The following CHRM3 variants were observed in gnomAD, a reference collection of about 807,000 sequenced individuals.
The protein encoded by CHRM3 is cholinergic receptor muscarinic 3.
Under a neutral mutation model 41.8 loss-of-function variants are expected in CHRM3, and 11 were observed. The observed-to-expected ratio is 0.26, with a 90% CI of 0.17 to 0.44. The LOEUF (loss-of-function observed/expected upper bound fraction) is 0.44, where lower values mean the gene tolerates loss of function less well. CHRM3 is among the 20% of genes least tolerant of loss of function. The probability of loss-of-function intolerance (pLI) is 1.00; values close to 1 mark genes in which losing one functional copy is unlikely to be tolerated. For missense variants in CHRM3, 571 were observed against 745.4 expected (o/e 0.77, Z 2.72); for synonymous variants, 297 against 301.4 (o/e 0.99, Z 0.15).
At chr1:239,388,207 G>C (rs1275158029) in intron 1 of CHRM3, among the ~76,000 whole-genome samples, 3 of 152,170 alleles carry the variant, frequency 2.0e-5, no homozygotes, top group Non-Finnish European at 4.4e-5. Flanking sequence ...CCTGTCCAAA[G>C]GCTGCAAGGA....
chr1:239,408,502 CAACA>C (rs1224718767), intron 1 of CHRM3, among the ~76,000 whole-genome samples: 3 of 120,220 alleles, frequency 2.5e-5, no homozygotes, highest in Admixed American at 2.2e-4. Context: ...CCAGCCTGGG[CAACA>C]GAGAGAGACT....
At chr1:239,556,158 A>T (rs1481194697) in intron 3 of CHRM3, among the ~76,000 whole-genome samples, 1 of 152,168 alleles carries the variant, frequency 6.6e-6, no homozygotes, top group Non-Finnish European at 1.5e-5. Context: ...TCCATGAAGC[A>T]CAGATTCATG....
rs75534095 is a variant in CHRM3, at chr1:239,549,812, G to A, written c.-313+4063G>A. Among the ~76,000 whole-genome samples, 42 of 152,050 alleles carry A rather than the reference G, an allele frequency of 2.8e-4. No homozygotes were observed. The East Asian group carries it at 7.9e-3, about 29-fold the overall frequency. On this transcript the variant is annotated intron_variant, in intron 3 of 6. Transcript: ENST00000676153. ...GGGCCAGATCATGGATCAGACATGG[G>A]ATATTCAGACCTGAAGTCTAATGTA... is the stretch of plus-strand genomic sequence containing the variant.
intron 3 of CHRM3, among the ~76,000 whole-genome samples, chr1:239,620,688 C>T (rs767428340): frequency 5.9e-5 from 9 of 151,870 alleles, no homozygotes; most frequent in Non-Finnish European, 1.0e-4. Context: ...ATTATATACA[C>T]ACACAAAAGG....
chr1:239,904,326 C>A (rs1462840865), intron 6 of CHRM3, among the ~76,000 whole-genome samples: 1 of 152,120 alleles, frequency 6.6e-6, no homozygotes, highest in African/African-American at 2.4e-5. Context: ...CACTTATCGG[C>A]GTATGGGGCC....
At chr1:239,728,839 A>T (rs1231100442) in intron 5 of CHRM3, among the ~76,000 whole-genome samples, 1 of 151,948 alleles carries the variant, frequency 6.6e-6, no homozygotes, top group African/African-American at 2.4e-5. Context: ...ATTACTATAG[A>T]TTAAGCCAAT....
chr1:239,662,893 C>CTTCTTCTTCT lies in CHRM3; in HGVS notation c.-249-15292_-249-15291insTCTTCTTCTT, dbSNP rs1553356875. On this transcript the variant is annotated intron_variant, in intron 4 of 6. Transcript: ENST00000676153. ...TCTCCTCTTTCTCCTCTTCCTCCTC[C>CTTCTTCTTCT]TCTTCTTCTTCTTCTTCTTCTTCTT... 4.6e-3 allele frequency among the ~76,000 whole-genome samples: 213 copies of CTTCTTCTTCT among 46,394 alleles called. 4 individuals are homozygous for CTTCTTCTTCT. The highest frequency in any genetic ancestry group is 0.016 in the African/African-American group (207 of 12,718). The allele number at this position is 46,394 out of a possible 152,430, so 30.4% of individuals were successfully genotyped here.
In CHRM3 at chr1:239,506,526, A is replaced by T. The variant is rs143471142; in HGVS notation, c.-422+13719A>T. ...CTTCTGCCTAGGGTTCAGAGAATGTATGGAAATGCCTGGATGCCCAGGCAG... is the reference window on the plus strand; with the variant it reads ...CTTCTGCCTAGGGTTCAGAGAATGTTTGGAAATGCCTGGATGCCCAGGCAG... On this transcript the variant is annotated intron_variant, in intron 2 of 6. Coordinates refer to ENST00000676153, the MANE Select transcript of CHRM3 (RefSeq NM_001375978.1). 5.1e-3 allele frequency among the ~76,000 whole-genome samples: 770 copies of T among 152,316 alleles called. 1 individual carries two copies. Among genetic ancestry groups the T allele is most frequent in the Non-Finnish European group, 9.0e-3 (609 of 68,026 alleles).
At chr1:239,567,540 G>A (rs1331697112) in intron 3 of CHRM3, among the ~76,000 whole-genome samples, 1 of 152,084 alleles carries the variant, frequency 6.6e-6, no homozygotes, top group Non-Finnish European at 1.5e-5. Context: ...CTGGTTTTAG[G>A]TAACAACTTA....
At chr1:239,401,627 A>C (rs1481143117) in intron 1 of CHRM3, among the ~76,000 whole-genome samples, 2 of 151,862 alleles carry the variant, frequency 1.3e-5, no homozygotes, top group African/African-American at 4.8e-5. Context: ...AGTAGCCCGG[A>C]CTACAGGCAC....
At chr1:239,600,071 A>G (rs188748404) in intron 3 of CHRM3, among the ~76,000 whole-genome samples, 1 of 152,216 alleles carries the variant, frequency 6.6e-6, no homozygotes, top group Non-Finnish European at 1.5e-5. Context: ...CCCATCACCA[A>G]AACCAAAAAT....
chr1:239,656,502 G>A (rs2148991869), intron 4 of CHRM3, among the ~76,000 whole-genome samples: 1 of 151,870 alleles, frequency 6.6e-6, no homozygotes, highest in Middle Eastern at 3.4e-3. Context: ...AGTAGCTGGT[G>A]TGGTGATATG....
chr1:239,662,826 TTCC>T (rs1213080259), intron 4 of CHRM3, among the ~76,000 whole-genome samples: 5 of 150,448 alleles, frequency 3.3e-5, no homozygotes, highest in African/African-American at 1.2e-4. Flanking sequence ...CCACTTCCTC[TTCC>T]TCCTCCTCTT....
chr1:239,830,582 T>C (rs1672817331), intron 6 of CHRM3, among the ~76,000 whole-genome samples: 1 of 152,168 alleles, frequency 6.6e-6, no homozygotes, highest in African/African-American at 2.4e-5. Flanking sequence ...CGCGTGCCTG[T>C]AGTCCCAGCT....
intron 3 of CHRM3, chr1:239,629,073 G>C (rs1442095158): frequency 9.5e-6 from 1 of 104,932 alleles, no homozygotes; most frequent in African/African-American, 3.9e-5. Flanking sequence ...AAGCAAGCCT[G>C]GGCAATGGCG....
At chr1:239,777,553 T>G (rs1018488191) in intron 5 of CHRM3, among the ~76,000 whole-genome samples, 34 of 152,294 alleles carry the variant, frequency 2.2e-4, no homozygotes, top group Admixed American at 2.6e-4. Flanking sequence ...TAAATAAACA[T>G]TAAGTCTCAC....
chr1:239,832,367 C>T (rs906664687), intron 6 of CHRM3, among the ~76,000 whole-genome samples: 16 of 152,156 alleles, frequency 1.1e-4, no homozygotes, highest in Non-Finnish European at 1.6e-4. Context: ...AATTGTTCAA[C>T]TTTGAATGAC....
rs1261682798 is a variant in CHRM3 at position 239,387,100 on chromosome 1, ATCTTAAGGACAG to A, written c.-645_-634del. On this transcript the variant is annotated 5_prime_UTR_variant, in exon 1 of 7. Coordinates refer to ENST00000676153, the MANE Select transcript of CHRM3 (RefSeq NM_001375978.1). The surrounding 1 kb of genome is among the most constrained non-coding windows in gnomAD (Gnocchi z 5.1). ...GGGCGGCTCCGGGCAGGGGGGCACG[ATCTTAAGGACAG>A]TCGCTCCCTGAACGCGGAGCCGGAG... is the stretch of plus-strand genomic sequence containing the variant. 2.0e-5 allele frequency: 3 copies of A among 152,114 alleles called. No individual in the cohort carries two copies. Among genetic ancestry groups the A allele is most frequent in the Non-Finnish European group, 4.4e-5 (3 of 68,086 alleles). The allele number at this position is 152,114 out of a possible 1,614,324, so 9.4% of individuals were successfully genotyped here.
intron 3 of CHRM3, among the ~76,000 whole-genome samples, chr1:239,554,729 C>A (rs1402704457): frequency 1.6e-5 from 2 of 122,984 alleles, no homozygotes; most frequent in Admixed American, 1.7e-4. Flanking sequence ...GTATTTCTTT[C>A]TTTTTTTTTT....
Sources: allele counts gnomAD v4.1 joint callset (sites outside exome capture counted in the v4.1 genomes callset), GRCh38; gene constraint gnomAD v4.1.1; non-coding constraint Gnocchi (gnomAD v3.1); transcripts MANE v1.5; gene names NCBI Gene and HGNC (gene_info 2026-07-23, HGNC 2026-07-21).